KMT2B: variants seen among roughly 807,000 people sequenced by gnomAD.
KMT2B encodes the protein histone-lysine N-methyltransferase 2B.
KMT2B carries 22 observed loss-of-function variants against 255.3 expected under a neutral mutation model. The observed-to-expected ratio is 0.09, with a 90% CI of 0.06 to 0.12. The LOEUF (loss-of-function observed/expected upper bound fraction) is 0.12. KMT2B is among the 10% of genes least tolerant of loss of function. KMT2B has a pLI of 1.00. For missense variants in KMT2B, 3,149 were observed against 3,737.0 expected, an observed-to-expected ratio of 0.84 and a Z score of 4.10; for synonymous variants, 1,730 against 1,498.1, an observed-to-expected ratio of 1.15 and a Z score of -3.57.
In KMT2B at chr19:35,720,524, G is replaced by C. The variant is rs929425353; in HGVS notation, c.1177G>C (p.Ala393Pro). Residue 393 changes from alanine to proline, a missense_variant, in exon 3 of 37, where the codon GCT (alanine) becomes CCT (proline). Transcript: ENST00000420124. ...AGCTGTAGCTGAGGAGATGATGCCA[G>C]CTGCGGAAAAGGAAGAGGCAAAGCT... is the stretch of plus-strand genomic sequence containing the variant. ...ERAVAEEMMPAAEKEEAKLPP... is the reference protein window; with the variant it reads ...ERAVAEEMMPPAEKEEAKLPP... 19 of 1,550,366 alleles carry C rather than the reference G, an allele frequency of 1.2e-5. No homozygotes were observed. In the African/African-American group the frequency reaches 2.3e-4, roughly 19 times the overall value.
intron 8 of KMT2B, 126 bp from the exon 9 acceptor site, chr19:35,724,505 CAAGAAA>C: frequency 3.9e-6 from 3 of 776,946 alleles, no homozygotes; most frequent in Non-Finnish European, 6.4e-6. Flanking sequence ...CCTCAAAAAA[CAAGAAA>C]AAGAATCGTC....
At position 35,718,103 on chromosome 19, in the gene KMT2B, G is replaced by A; in HGVS notation, c.85G>A (p.Gly29Arg). ...CCCGGGCCGGCCGCGGGGCGCCGGC[G>A]GGGGCGGGGGCCGCGGCGGACGGGG... ...RFPGRPRGAG[G>R]GGGRGGRGNG... Residue 29 changes from glycine (G) to arginine (R), a missense_variant, in exon 1 of 37, where the codon GGG becomes AGG. Physicochemically the swap from Gly to Arg is moderately radical, Grantham distance 125. Transcript: ENST00000420124. This position sits in a 1 kb window ranked among gnomAD's most constrained non-coding sequence, Gnocchi z 5.0. 3 of 992,130 alleles carry A rather than the reference G, an allele frequency of 3.0e-6. No homozygotes were observed. The highest frequency in any genetic ancestry group is 2.4e-6 in the Non-Finnish European group (2 of 835,796). The allele number at this position is 992,130 out of a possible 1,614,324, so 61.5% of individuals were successfully genotyped here. A position where few individuals can be genotyped will look rare whatever the true frequency, so the allele number is the denominator to read the frequency against.
At position 35,732,765 on chromosome 19, in the gene KMT2B, T is replaced by C; in HGVS notation, c.6216T>C (p.Ala2072=). Residue 2072 remains alanine (A), a synonymous_variant, in exon 28 of 37, where the codon GCT becomes GCC. Coordinates refer to ENST00000420124, the MANE Select transcript of KMT2B (RefSeq NM_014727.3). ...DGVDDGTDSE[A]EAVQQPRGQG... ...TGGACGACGGCACTGACAGTGAGGC[T>C]GAGGCGGTGCAGCAGCCTCGGGGCC... The C allele has an allele frequency of 6.2e-7, 1 of 1,609,704 alleles. No homozygotes were observed. Among genetic ancestry groups the C allele is most frequent in the Non-Finnish European group, 8.5e-7 (1 of 1,178,562 alleles).
At chr19:35,724,278 A>T (rs778114121) in intron 8 of KMT2B, among the ~76,000 whole-genome samples, 4 of 152,120 alleles carry the variant, frequency 2.6e-5, no homozygotes, top group Non-Finnish European at 4.4e-5. Context: ...AGGTGGGAGG[A>T]TCACTTGAGC....
chr19:35,719,773 TCTC>T lies in KMT2B; in HGVS notation c.437-8_437-6del, dbSNP rs1347093114. The T allele has an allele frequency of 6.4e-7, 1 of 1,571,348 alleles. No homozygotes were observed. The highest frequency in any genetic ancestry group is 8.6e-7 in the Non-Finnish European group (1 of 1,159,896). Reference sequence around the variant, plus strand: ...GCTTGATCCATCTCCCCACAACTATTCTCCTTTTAGGTCGAGCGCCCCGAGGTC... The same window carrying T: ...GCTTGATCCATCTCCCCACAACTATTCTTTTAGGTCGAGCGCCCCGAGGTC... On this transcript the variant is annotated splice_polypyrimidine_tract_variant and splice_region_variant and intron_variant, in intron 2 of 36. Transcript: ENST00000420124.
At position 35,737,458 on chromosome 19, in the gene KMT2B, G is replaced by A; in HGVS notation, c.7551-178G>A. Reference sequence around the variant, plus strand: ...CCACTTTGGGAGGCCGAGGCAGGAGGATCGCATGAGCCCAGGAGTTGGAGA... The same window carrying A: ...CCACTTTGGGAGGCCGAGGCAGGAGAATCGCATGAGCCCAGGAGTTGGAGA... On this transcript the variant is annotated intron_variant, in intron 33 of 36. Coordinates refer to ENST00000420124, the MANE Select transcript of KMT2B (RefSeq NM_014727.3). The surrounding 1 kb of genome is among the most constrained non-coding windows in gnomAD (Gnocchi z 5.3). 1 of 759,934 alleles carries A rather than the reference G, an allele frequency of 1.3e-6. No homozygotes were observed. Among genetic ancestry groups the A allele is most frequent in the Non-Finnish European group, 2.1e-6 (1 of 485,432 alleles). The allele number at this position is 759,934 out of a possible 1,614,324, so 47.1% of individuals were successfully genotyped here. A position where few individuals can be genotyped will look rare whatever the true frequency, so the allele number is the denominator to read the frequency against.
In KMT2B at chr19:35,733,207, T is replaced by C. The variant is rs1320393899; in HGVS notation, c.6658T>C (p.Leu2220=). 3 of 1,506,746 alleles carry C rather than the reference T, an allele frequency of 2.0e-6. No individual in the cohort carries two copies. Among genetic ancestry groups the C allele is most frequent in the South Asian group, 1.2e-5 (1 of 82,538 alleles). 93.3% of individuals were successfully genotyped at this position (1,506,746 alleles called of 1,614,324 possible). A position where few individuals can be genotyped will look rare whatever the true frequency, so the allele number is the denominator to read the frequency against. ...CCCACCCCCAGTGAAGCAGCCACCT[T>C]TGCCCCCCACCATTTCCCCCACGGC... The part of the protein sequence containing the change: ...PVPPPVKQPP[L]PPTISPTAPT... The change falls in exon 28 of 37, where the codon TTG becomes CTG. Residue 2220 remains leucine (L), a synonymous_variant. Transcript: ENST00000420124. This position sits in a 1 kb window ranked among gnomAD's most constrained non-coding sequence, Gnocchi z 4.3.
In KMT2B at chr19:35,738,640, C is replaced by T; in HGVS notation, c.*83C>T. 2 of 1,442,396 alleles carry T rather than the reference C, an allele frequency of 1.4e-6. No individual in the cohort carries two copies. The highest frequency in any genetic ancestry group is 1.9e-4 in the Middle Eastern group (1 of 5,276). The allele number at this position is 1,442,396 out of a possible 1,614,324, so 89.3% of individuals were successfully genotyped here. A position where few individuals can be genotyped will look rare whatever the true frequency, so the allele number is the denominator to read the frequency against. ...CCCCTAGCCTGGGGGCTCCCTAGCCCCTCCCAGAGCATCTCACCCCCACCC... is the reference window on the plus strand; with the variant it reads ...CCCCTAGCCTGGGGGCTCCCTAGCCTCTCCCAGAGCATCTCACCCCCACCC... On this transcript the variant is annotated 3_prime_UTR_variant, in exon 37 of 37. Transcript: ENST00000420124. This position sits in a 1 kb window ranked among gnomAD's most constrained non-coding sequence, Gnocchi z 8.7.
In KMT2B at chr19:35,736,750, C is replaced by T. The variant is rs770762753; in HGVS notation, c.7220C>T (p.Pro2407Leu). ...PSPDDKENQAPKRTGPHLRFE... is the reference protein window; with the variant it reads ...PSPDDKENQALKRTGPHLRFE... Reference sequence around the variant, plus strand: ...CCAGATGATAAAGAGAACCAGGCCCCAAAACGGACTGGCCCACATCTGCGC... The same window carrying T: ...CCAGATGATAAAGAGAACCAGGCCCTAAAACGGACTGGCCCACATCTGCGC... Residue 2407 changes from proline to leucine, a missense_variant, in exon 31 of 37, where the codon CCA (proline) becomes CTA (leucine). This residue lies in a region of KMT2B where 897 missense variants were observed against 825.3 expected (regional missense o/e 1.09). Transcript: ENST00000420124. 1.2e-6 allele frequency: 2 copies of T among 1,613,942 alleles called. No homozygotes were observed. The highest frequency in any genetic ancestry group is 1.7e-6 in the Non-Finnish European group (2 of 1,179,868).
intron 8 of KMT2B, among the ~76,000 whole-genome samples, 164 bp from the exon 9 acceptor site, chr19:35,724,473 T>C (rs1031470876): frequency 6.6e-6 from 1 of 152,176 alleles, no homozygotes; most frequent in Non-Finnish European, 1.5e-5. Context: ...CATTCCAGTC[T>C]GGGCAACAGA....
Position 35,721,148 on chromosome 19 carries a change from C to T in KMT2B, c.1801C>T (p.Arg601Trp), listed in dbSNP as rs773862731. Residue 601 changes from arginine (R) to tryptophan (W), a missense_variant, in exon 3 of 37, where the codon CGG (arginine) becomes TGG (tryptophan). Around this residue, in one of 18 missense-constraint regions of KMT2B, gnomAD observed 1,188 missense variants for 1,106.4 expected, o/e 1.07. Coordinates refer to ENST00000420124, the MANE Select transcript of KMT2B (RefSeq NM_014727.3). ...STPVPLPEKR[R>W]SILREPTFRW... ...CCCAGTTCCACTCCCTGAGAAGAGA[C>T]GGTCCATCCTAAGGGAACCCACATT... 35 of 1,597,120 alleles carry T rather than the reference C, an allele frequency of 2.2e-5. No individual in the cohort carries two copies. The highest frequency in any genetic ancestry group is 2.6e-5 in the Non-Finnish European group (31 of 1,172,952).
At position 35,720,719 on chromosome 19, in the gene KMT2B, C is replaced by T; in HGVS notation, c.1372C>T (p.Pro458Ser). The T allele has an allele frequency of 6.8e-7, 1 of 1,476,490 alleles. No individual in the cohort carries two copies. The highest frequency in any genetic ancestry group is 9.0e-7 in the Non-Finnish European group (1 of 1,114,226). 91.5% of individuals were successfully genotyped at this position (1,476,490 alleles called of 1,614,324 possible). The stretch of plus-strand genomic sequence containing the variant: ...CCAAGAGGAGCAGGAGGAATCCCCT[C>T]CTCCTGTGGTCCCAGCTACGTGCTC... Reference protein sequence around the residue: ...PAQEEQEESPPPVVPATCSRK... With the variant: ...PAQEEQEESPSPVVPATCSRK... The change falls in exon 3 of 37, where the codon CCT (proline) becomes TCT (serine). Residue 458 changes from proline (P) to serine (S), a missense_variant. Physicochemically the swap from Pro to Ser is moderately conservative, Grantham distance 74 (BLOSUM62 -1). This residue lies in a region of KMT2B where 1,188 missense variants were observed against 1,106.4 expected (regional missense o/e 1.07). Transcript: ENST00000420124.
intron 2 of KMT2B, 36 bp downstream of exon 2, chr19:35,719,577 C>A: frequency 6.4e-7 from 1 of 1,564,512 alleles, no homozygotes; most frequent in Non-Finnish European, 8.7e-7. Flanking sequence ...TTTAGCGTCA[C>A]AGGAATTTAT....
rs373680842 is a variant in KMT2B at position 35,733,799 on chromosome 19, G to A, written c.7086G>A (p.Pro2362=). The change falls in exon 30 of 37, where the codon CCG becomes CCA. Residue 2362 remains proline, a synonymous_variant. Transcript: ENST00000420124. The surrounding 1 kb of genome is among the most constrained non-coding windows in gnomAD (Gnocchi z 4.3). ...LQERSPLLPL[P]EDGPPQVPDG... The stretch of plus-strand genomic sequence containing the variant: ...AACGGTCCCCTTTGCTGCCACTTCC[G>A]GAAGATGGTCCTCCCCAGGTCCCCG... The A allele has an allele frequency of 1.4e-5, 23 of 1,613,526 alleles. No homozygotes were observed. The highest frequency in any genetic ancestry group is 8.9e-5 in the East Asian group (4 of 44,866).
At chr19:35,735,720 C>T (rs1405241291) in intron 30 of KMT2B, 1 of 152,268 alleles carries the variant, frequency 6.6e-6, no homozygotes, top group African/African-American at 2.4e-5. Flanking sequence ...GTCAGCCTGT[C>T]CCAAACTGAG....
In KMT2B at chr19:35,727,758, C is replaced by T. The variant is rs1555731093; in HGVS notation, c.4363C>T (p.Arg1455Cys). ...CTGCGGCCTGCAAGCTGTGAGTCAGCGCTTCGAGGATGGCCACTACAAGTC... is the reference window on the plus strand; with the variant it reads ...CTGCGGCCTGCAAGCTGTGAGTCAGTGCTTCGAGGATGGCCACTACAAGTC... ...GPCGLQAVSQRFEDGHYKSVH... is the reference protein window; with the variant it reads ...GPCGLQAVSQCFEDGHYKSVH... Residue 1455 changes from arginine (R) to cysteine (C), a missense_variant, in exon 17 of 37, where the codon CGC (arginine) becomes TGC (cysteine). By Grantham distance (180) the Arg-to-Cys change is radical (BLOSUM62 -3). This residue lies in a region of KMT2B where 377 missense variants were observed against 471.0 expected (regional missense o/e 0.80). Coordinates refer to ENST00000420124, the MANE Select transcript of KMT2B (RefSeq NM_014727.3). This position sits in a 1 kb window ranked among gnomAD's most constrained non-coding sequence, Gnocchi z 4.2. The T allele has an allele frequency of 1.2e-6, 2 of 1,613,870 alleles. No individual in the cohort carries two copies. Among genetic ancestry groups the T allele is most frequent in the Non-Finnish European group, 1.7e-6 (2 of 1,179,894 alleles).
At position 35,732,087 on chromosome 19, in the gene KMT2B, T is replaced by A; in HGVS notation, c.5617T>A (p.Ser1873Thr). Residue 1873 changes from serine to threonine, a missense_variant, in exon 27 of 37, where the codon TCC (serine) becomes ACC (threonine). This residue lies in a region of KMT2B where 897 missense variants were observed against 825.3 expected (regional missense o/e 1.09). Transcript: ENST00000420124. ...ARIKVPNYSP[S>T]RRPLGGVSFG... ...AATCAAAGTGCCCAACTACTCGCCATCCCGGAGGCCCTTGGGGGGTGTCTC... is the reference window on the plus strand; with the variant it reads ...AATCAAAGTGCCCAACTACTCGCCAACCCGGAGGCCCTTGGGGGGTGTCTC... 6.2e-7 allele frequency: 1 copy of A among 1,607,510 alleles called. No homozygotes were observed. Among genetic ancestry groups the A allele is most frequent in the Non-Finnish European group, 8.5e-7 (1 of 1,177,202 alleles).
At position 35,723,862 on chromosome 19, in the gene KMT2B, G is replaced by A; in HGVS notation, c.3189G>A (p.Gly1063=). Residue 1063 remains glycine, a synonymous_variant, in exon 8 of 37, where the codon GGG becomes GGA. Coordinates refer to ENST00000420124, the MANE Select transcript of KMT2B (RefSeq NM_014727.3). The surrounding 1 kb of genome is among the most constrained non-coding windows in gnomAD (Gnocchi z 7.5). The stretch of plus-strand genomic sequence containing the variant: ...GGGAGGAGGTGGTGGCCCACCCAGG[G>A]CCCGAGGAGCAGGACTCCCTCCTGC... ...GPREEVVAHP[G]PEEQDSLLQR... The A allele has an allele frequency of 1.2e-6, 2 of 1,606,790 alleles. No individual in the cohort carries two copies. The highest frequency in any genetic ancestry group is 1.7e-5 in the Admixed American group (1 of 59,076).
rs990270858 is a variant in KMT2B, at chr19:35,738,653, C to T, written c.*96C>T. On this transcript the variant is annotated 3_prime_UTR_variant, in exon 37 of 37. Transcript: ENST00000420124. This position sits in a 1 kb window ranked among gnomAD's most constrained non-coding sequence, Gnocchi z 8.7. ...GGCTCCCTAGCCCCTCCCAGAGCATCTCACCCCCACCCTCATGTTCAGGGT... is the reference window on the plus strand; with the variant it reads ...GGCTCCCTAGCCCCTCCCAGAGCATTTCACCCCCACCCTCATGTTCAGGGT... 2 of 1,350,720 alleles carry T rather than the reference C, an allele frequency of 1.5e-6. No homozygotes were observed. The highest frequency in any genetic ancestry group is 2.5e-5 in the East Asian group (1 of 40,138). The allele number at this position is 1,350,720 out of a possible 1,614,324, so 83.7% of individuals were successfully genotyped here.
Sources: gnomAD v4.1 joint callset for allele counts (sites outside exome capture counted in the v4.1 genomes callset) on GRCh38, gnomAD v4.1.1 for gene constraint, gnomAD v4.1.1 regional missense constraint, Gnocchi (gnomAD v3.1) non-coding constraint, MANE v1.5 for transcripts, NCBI Gene and HGNC (gene_info 2026-07-23, HGNC 2026-07-21) for gene names.